The following CFAP43 variants were observed in gnomAD, a reference collection of about 807,000 sequenced individuals.
CFAP43 encodes cilia and flagella associated protein 43.
Under a neutral mutation model 218.9 loss-of-function variants are expected in CFAP43, and 155 were observed. That is an observed-to-expected ratio of 0.71 (90% confidence interval 0.62 to 0.81). The LOEUF (loss-of-function observed/expected upper bound fraction) is 0.81, where lower values mean the gene tolerates loss of function less well. Among genes scored for constraint, CFAP43 ranks in the 30% least tolerant of loss-of-function variants. CFAP43 has a pLI of 0.00. For synonymous variants in CFAP43, 645 were observed against 681.3 expected (o/e 0.95, Z 0.83); for missense variants, 1,778 against 1,954.3 (o/e 0.91, Z 1.70).
chr10:104,156,169 G>T (rs2088531852), intron 27 of CFAP43, among the ~76,000 whole-genome samples: 1 of 152,054 alleles, frequency 6.6e-6, no homozygotes, highest in East Asian at 1.9e-4. Context: ...AAATTAGGGG[G>T]TCATATAGAA....
Position 104,212,010 on chromosome 10 carries a change from G to A in CFAP43, c.732C>T (p.Phe244=). The A allele has an allele frequency of 6.2e-7, 1 of 1,611,426 alleles. No individual in the cohort carries two copies. Among genetic ancestry groups the A allele is most frequent in the South Asian group, 1.1e-5 (1 of 90,690 alleles). The change falls in exon 5 of 38, where the codon TTC becomes TTT. Residue 244 remains phenylalanine (F), a synonymous_variant. Coordinates refer to ENST00000357060, the MANE Select transcript of CFAP43 (RefSeq NM_025145.7). ...AGLVGKEAET[F]RPKDDLYPLL... ...GGAAGAGGTGCCAGGTAATTACCCG[G>A]AAAGTCTCTGCCTCTTTGCCTACCA...
At chr10:104,207,971 A>C in intron 5 of CFAP43, 147 bp from the exon 6 acceptor site, 1 of 718,510 alleles carries the variant, frequency 1.4e-6, no homozygotes, top group Non-Finnish European at 2.1e-6. Flanking sequence ...CATCATAATA[A>C]TTTTTTTTAA....
In CFAP43 at chr10:104,154,341, AG is replaced by A. The variant is rs533947759; in HGVS notation, c.3541-1616del. ...AATAAGGAAAGAGACTGATTCCGGGAGGATAATGGAGAAAGAGGTTTAGCAA... is the reference window on the plus strand; with the variant it reads ...AATAAGGAAAGAGACTGATTCCGGGAGATAATGGAGAAAGAGGTTTAGCAA... On this transcript the variant is annotated intron_variant, in intron 27 of 37. Transcript: ENST00000357060. 3.9e-4 allele frequency among the ~76,000 whole-genome samples: 59 copies of A among 152,342 alleles called. 1 individual carries two copies. In the South Asian group the frequency reaches 0.011, roughly 29 times the overall value.
chr10:104,187,168 A>T (rs2090057531), intron 14 of CFAP43, 152 bp downstream of exon 14: 1 of 527,704 alleles, frequency 1.9e-6, no homozygotes, highest in East Asian at 3.5e-5. Flanking sequence ...ATAACACTAT[A>T]TATCTAGCTC....
intron 34 of CFAP43, among the ~76,000 whole-genome samples, chr10:104,134,543 T>A (rs1000903964): frequency 4.3e-4 from 65 of 151,824 alleles, no homozygotes; most frequent in Non-Finnish European, 1.2e-4. Flanking sequence ...AGAAATGAAA[T>A]CAAGAATATT....
chr10:104,216,160 C>G (rs892557188), intron 3 of CFAP43, among the ~76,000 whole-genome samples: 4 of 152,308 alleles, frequency 2.6e-5, no homozygotes, highest in African/African-American at 9.6e-5. Context: ...CTACACTTTC[C>G]TCATCCCAGG....
chr10:104,172,335 A>G (rs2089445250), intron 20 of CFAP43, 75 bp downstream of exon 20: 1 of 1,545,624 alleles, frequency 6.5e-7, no homozygotes, highest in Non-Finnish European at 8.7e-7. Context: ...ATTATTATGA[A>G]AAAGTTCCCA....
In CFAP43 at chr10:104,179,885, G is replaced by A. The variant is rs201911016; in HGVS notation, c.2337C>T (p.Thr779=). Reference sequence around the variant, plus strand: ...TCCAAGGAATTTCCTTCTTAACATCGGTTAGAACTAATTCATCTTGTGATA... The same window carrying A: ...TCCAAGGAATTTCCTTCTTAACATCAGTTAGAACTAATTCATCTTGTGATA... ...TDLSQDELVL[T]DVKKEIPWIQ... is the part of the protein sequence containing the mutation. Residue 779 remains threonine, a synonymous_variant, in exon 18 of 38, where the codon ACC becomes ACT. Coordinates refer to ENST00000357060, the MANE Select transcript of CFAP43 (RefSeq NM_025145.7). The A allele has an allele frequency of 1.0e-4, 161 of 1,613,452 alleles. No individual in the cohort carries two copies. Among genetic ancestry groups the A allele is most frequent in the Non-Finnish European group, 1.3e-4 (150 of 1,179,812 alleles).
chr10:104,171,060 CA>C (rs2089388071), intron 20 of CFAP43, among the ~76,000 whole-genome samples: 1 of 152,204 alleles, frequency 6.6e-6, no homozygotes, highest in Admixed American at 6.5e-5. Context: ...ACTGAAATGT[CA>C]GCCCTTGAAG....
intron 8 of CFAP43, chr10:104,203,418 A>G (rs2090590045): frequency 1.7e-5 from 7 of 401,308 alleles, no homozygotes; most frequent in Non-Finnish European, 3.1e-5. Context: ...GATGGAAAAA[A>G]ACAAGGCTTG....
Position 104,166,624 on chromosome 10 carries a change from G to A in CFAP43, c.2903C>T (p.Thr968Ile), listed in dbSNP as rs772722002. 8 of 1,614,116 alleles carry A rather than the reference G, an allele frequency of 5.0e-6. No individual in the cohort carries two copies. In the South Asian group the frequency reaches 6.6e-5, roughly 13 times the overall value. ...DDEEEEEEDKTVKYSNLPNYL... is the reference protein window; with the variant it reads ...DDEEEEEEDKIVKYSNLPNYL... Reference sequence around the variant, plus strand: ...ATTGGGCAAATTGCTATATTTTACTGTCTTGTCTTCCTCTTCCTCTTCTTC... The same window carrying A: ...ATTGGGCAAATTGCTATATTTTACTATCTTGTCTTCCTCTTCCTCTTCTTC... The change falls in exon 23 of 38, where the codon ACA becomes ATA. Residue 968 changes from threonine (T) to isoleucine (I), a missense_variant. Thr to Ile is a moderately conservative substitution (Grantham distance 89). This residue lies in a region of CFAP43 where 1,553 missense variants were observed against 1,685.2 expected (regional missense o/e 0.92). Transcript: ENST00000357060.
At chr10:104,157,541 T>C (rs2088612693) in intron 27 of CFAP43, among the ~76,000 whole-genome samples, 1 of 151,946 alleles carries the variant, frequency 6.6e-6, no homozygotes, top group Non-Finnish European at 1.5e-5. Context: ...GAAAAAAACA[T>C]AGGGGGTAGA....
intron 20 of CFAP43, among the ~76,000 whole-genome samples, chr10:104,170,174 A>G (rs1208919975): frequency 1.3e-5 from 2 of 152,006 alleles, no homozygotes; most frequent in East Asian, 3.9e-4. Context: ...TGGTGTTACT[A>G]TCTCTTCAAA....
chr10:104,153,901 T>C (rs536236139), intron 27 of CFAP43, among the ~76,000 whole-genome samples: 1 of 152,178 alleles, frequency 6.6e-6, no homozygotes, highest in East Asian at 1.9e-4. Context: ...ACTTATTTTG[T>C]AGAATGTCAT....
intron 12 of CFAP43, among the ~76,000 whole-genome samples, chr10:104,191,494 C>A (rs2090212997): frequency 6.6e-6 from 1 of 152,092 alleles, no homozygotes; most frequent in African/African-American, 2.4e-5. Flanking sequence ...CCAGTGCCCA[C>A]CTTCACCTCC....
At chr10:104,140,633 C>G (rs879469148) in intron 34 of CFAP43, among the ~76,000 whole-genome samples, 3 of 152,138 alleles carry the variant, frequency 2.0e-5, no homozygotes, top group Non-Finnish European at 2.9e-5. Flanking sequence ...TATTAAGACT[C>G]TGTTTTTACA....
At chr10:104,174,875 G>A (rs1021125151) in intron 19 of CFAP43, among the ~76,000 whole-genome samples, 6 of 150,152 alleles carry the variant, frequency 4.0e-5, no homozygotes, top group African/African-American at 1.5e-4. Context: ...CTAACACCGT[G>A]AAACACCATC....
At position 104,147,877 on chromosome 10, in the gene CFAP43, G is replaced by A. The variant is rs759874452; in HGVS notation, c.3768+14C>T. ...AGAAAATGCTTGTATTCAGATTTCAGACACTATTCTTACTTTCTCGTGCTG... is the reference window on the plus strand; with the variant it reads ...AGAAAATGCTTGTATTCAGATTTCAAACACTATTCTTACTTTCTCGTGCTG... On this transcript the variant is annotated intron_variant, in intron 29 of 37. Transcript: ENST00000357060. 6.4e-7 allele frequency: 1 copy of A among 1,553,780 alleles called. No homozygotes were observed. The highest frequency in any genetic ancestry group is 8.7e-7 in the Non-Finnish European group (1 of 1,144,278).
At position 104,222,380 on chromosome 10, in the gene CFAP43, C is replaced by T. The variant is rs1023792388; in HGVS notation, c.416+3081G>A. Among the ~76,000 whole-genome samples the T allele has an allele frequency of 5.6e-4, 86 of 152,264 alleles. 4 individuals carry two copies. Among genetic ancestry groups the T allele is most frequent in the Non-Finnish European group, 1.6e-4 (11 of 68,014 alleles). On this transcript the variant is annotated intron_variant, in intron 3 of 37. Transcript: ENST00000357060. ...CCCACTCACATTTCTATGCAGCACC[C>T]GAGGGTGCCATCGGGGTTGCTCCCA...
Sources: gnomAD v4.1 joint callset for allele counts (sites outside exome capture counted in the v4.1 genomes callset) on GRCh38, gnomAD v4.1.1 for gene constraint, gnomAD v4.1.1 regional missense constraint, MANE v1.5 for transcripts, NCBI Gene and HGNC (gene_info 2026-07-23, HGNC 2026-07-21) for gene names.